The following SLC28A3 variants were observed in gnomAD, a reference collection of about 807,000 sequenced individuals.
The protein encoded by SLC28A3 is solute carrier family 28 member 3, also known as concentrative Na(+)-nucleoside cotransporter 3.
A neutral mutation model predicts 84.2 loss-of-function variants in SLC28A3; 68 were observed. The ratio of observed to expected loss-of-function variants is 0.81; its 90% CI spans 0.66 to 0.99. The LOEUF is 0.99. Among genes scored for constraint, SLC28A3 ranks in the 50% least tolerant of loss-of-function variants. The pLI is 0.00. For synonymous variants in SLC28A3, 267 were observed against 303.6 expected (o/e 0.88, Z 1.25); for missense variants, 712 against 841.5 (o/e 0.85, Z 1.90).
chr9:84,285,324 GAAATT>G lies in SLC28A3; in HGVS notation c.1647+16_1647+20del, dbSNP rs763983274. 8 of 1,609,954 alleles carry G rather than the reference GAAATT, an allele frequency of 5.0e-6. No individual in the cohort carries two copies. The highest frequency in any genetic ancestry group is 2.2e-5 in the East Asian group (1 of 44,840). On this transcript the variant is annotated intron_variant, in intron 14 of 17. Coordinates refer to ENST00000376238, the MANE Select transcript of SLC28A3 (RefSeq NM_001199633.2). ...GGTATGTGATGAAGAAATGTACTGA[GAAATT>G]AAAATATTTACTCACTGATATATAT...
chr9:84,300,071 TG>T (rs1234998734), intron 5 of SLC28A3, among the ~76,000 whole-genome samples: 1 of 152,136 alleles, frequency 6.6e-6, no homozygotes, highest in Non-Finnish European at 1.5e-5. Context: ...GGATTACAGG[TG>T]CGAGCCACCA....
At chr9:84,327,976 G>A (rs1588619669) in intron 1 of SLC28A3, among the ~76,000 whole-genome samples, 1 of 150,062 alleles carries the variant, frequency 6.7e-6, no homozygotes, top group African/African-American at 2.5e-5. Flanking sequence ...CCCATCTTTA[G>A]TTGATCAGAC....
chr9:84,367,218 C>T, the SLC28A3 span, among the ~76,000 whole-genome samples: 2 of 152,148 alleles, frequency 1.3e-5, no homozygotes, highest in African/African-American at 4.8e-5. Context: ...CCAATATTCT[C>T]TTAAGGCCCA....
the SLC28A3 span, among the ~76,000 whole-genome samples, chr9:84,360,235 A>C: frequency 6.6e-6 from 1 of 151,992 alleles, no homozygotes; most frequent in East Asian, 1.9e-4. Flanking sequence ...TCAAGGGCCC[A>C]GATTGGAAGT....
At chr9:84,357,913 G>T in the SLC28A3 span, among the ~76,000 whole-genome samples, 943 of 152,248 alleles carry the variant, frequency 6.2e-3, 14 homozygotes, top group African/African-American at 0.021. Context: ...AGATGCAGGG[G>T]TCTGAGTATC....
intron 1 of SLC28A3, among the ~76,000 whole-genome samples, chr9:84,319,331 C>A (rs898568879): frequency 4.6e-5 from 7 of 152,064 alleles, no homozygotes; most frequent in African/African-American, 1.4e-4. Context: ...ATTTTTATTT[C>A]TTCCTTAAAT....
chr9:84,333,705 T>C (rs1211801111), intron 1 of SLC28A3, among the ~76,000 whole-genome samples: 1 of 152,136 alleles, frequency 6.6e-6, no homozygotes, highest in African/African-American at 2.4e-5. Flanking sequence ...GGCATGCAAA[T>C]TGGTAAAATC....
At chr9:84,334,256 G>A (rs1298549158) in intron 1 of SLC28A3, among the ~76,000 whole-genome samples, 3 of 152,214 alleles carry the variant, frequency 2.0e-5, no homozygotes, top group Middle Eastern at 3.4e-3. Context: ...CCAAGATCAC[G>A]CCACTGCACT....
intron 17 of SLC28A3, 132 bp from the exon 18 acceptor site, chr9:84,278,476 T>A: frequency 8.4e-7 from 1 of 1,191,572 alleles, no homozygotes; most frequent in Non-Finnish European, 1.2e-6. Flanking sequence ...TAGGGTGGAT[T>A]AAAGGACAGA....
intron 9 of SLC28A3, among the ~76,000 whole-genome samples, 170 bp downstream of exon 9, chr9:84,294,025 T>C (rs369613008): frequency 4.6e-5 from 7 of 152,332 alleles, no homozygotes; most frequent in African/African-American, 9.6e-5. Flanking sequence ...ATTCCCTCCA[T>C]GGACACATTT....
chr9:84,363,141 G>A, the SLC28A3 span, among the ~76,000 whole-genome samples: 1 of 152,160 alleles, frequency 6.6e-6, no homozygotes, highest in Non-Finnish European at 1.5e-5. Context: ...ACCCTTAAAT[G>A]ATATTTAAAG....
intron 5 of SLC28A3, among the ~76,000 whole-genome samples, chr9:84,300,810 A>T (rs1825599667): frequency 6.6e-6 from 1 of 152,122 alleles, no homozygotes; most frequent in Non-Finnish European, 1.5e-5. Flanking sequence ...CCAGCTTCAT[A>T]TCCATAGCAG....
intron 5 of SLC28A3, among the ~76,000 whole-genome samples, chr9:84,300,263 G>C (rs562162477): frequency 3.9e-5 from 6 of 152,348 alleles, no homozygotes; most frequent in African/African-American, 1.2e-4. Context: ...CCCTTCACCT[G>C]TTCAAGGATG....
intron 4 of SLC28A3, among the ~76,000 whole-genome samples, chr9:84,304,665 C>A (rs1344772832): frequency 6.6e-6 from 1 of 152,250 alleles, no homozygotes; most frequent in South Asian, 2.1e-4. Flanking sequence ...AACCAACACA[C>A]CTCCTCAAAT....
At chr9:84,359,053 C>T in the SLC28A3 span, among the ~76,000 whole-genome samples, 1 of 152,198 alleles carries the variant, frequency 6.6e-6, no homozygotes, top group African/African-American at 2.4e-5. Context: ...ATCCGCCTGC[C>T]TCCGCCTCCT....
chr9:84,328,986 C>A (rs940087680), intron 1 of SLC28A3, among the ~76,000 whole-genome samples: 1 of 151,986 alleles, frequency 6.6e-6, no homozygotes, highest in Non-Finnish European at 1.5e-5. Context: ...ATGCTGTCTA[C>A]AAGAGACATA....
At chr9:84,366,062 A>G in the SLC28A3 span, among the ~76,000 whole-genome samples, 1 of 151,122 alleles carries the variant, frequency 6.6e-6, no homozygotes, top group South Asian at 2.1e-4. Context: ...AAACAAAAAA[A>G]CAAAAAAAAG....
At chr9:84,364,259 A>G in the SLC28A3 span, among the ~76,000 whole-genome samples, 14 of 150,804 alleles carry the variant, frequency 9.3e-5, no homozygotes, top group African/African-American at 3.4e-4. Context: ...CGAGTGGCTT[A>G]TAGGCATGCA....
the SLC28A3 span, among the ~76,000 whole-genome samples, chr9:84,353,893 T>G: frequency 6.6e-6 from 1 of 152,218 alleles, no homozygotes; most frequent in Non-Finnish European, 1.5e-5. Context: ...GATTCAAAAC[T>G]TATCAAAACC....
Sources: gnomAD v4.1 joint callset for allele counts (sites outside exome capture counted in the v4.1 genomes callset) on GRCh38, gnomAD v4.1.1 for gene constraint, MANE v1.5 for transcripts, NCBI Gene and HGNC (gene_info 2026-07-23, HGNC 2026-07-21) for gene names.